Variants in MYO18B observed in about 807,000 individuals in gnomAD.
MYO18B encodes unconventional myosin-XVIIIb.
A neutral mutation model predicts 273.0 loss-of-function variants in MYO18B; 204 were observed. That is an observed-to-expected ratio of 0.75 (90% CI 0.67 to 0.84). MYO18B has a LOEUF of 0.84. Among genes scored for constraint, MYO18B ranks in the 40% least tolerant of loss-of-function variants. MYO18B has a pLI of 0.00. For synonymous variants in MYO18B, 1,330 were observed against 1,305.7 expected (o/e 1.02, Z -0.40); for missense variants, 3,212 against 3,287.6 (o/e 0.98, Z 0.56).
intron 18 of MYO18B, among the ~76,000 whole-genome samples, chr22:25,845,129 C>T (rs906101194): frequency 3.9e-5 from 6 of 152,144 alleles, no homozygotes; most frequent in African/African-American, 9.7e-5. Context: ...GCTTTGGTGA[C>T]GTAAAGTAGC....
the MYO18B span, among the ~76,000 whole-genome samples, chr22:26,045,227 AC>A: frequency 5.9e-5 from 9 of 152,102 alleles, no homozygotes; most frequent in East Asian, 1.4e-3. Flanking sequence ...CATGGGAGTC[AC>A]CTGGAGCATG....
At chr22:25,903,069 T>G in intron 30 of MYO18B, 1 of 251,572 alleles carries the variant, frequency 4.0e-6, no homozygotes, top group Non-Finnish European at 7.7e-6. Context: ...CAGGCTCCAA[T>G]GCAGAGAGAT....
chr22:25,894,244 G>A (rs1394670985), intron 27 of MYO18B, among the ~76,000 whole-genome samples: 1 of 151,810 alleles, frequency 6.6e-6, no homozygotes, highest in Non-Finnish European at 1.5e-5. Context: ...TCTGGAAGGT[G>A]GGTGGATATG....
At chr22:25,787,245 G>T (rs2087432912) in intron 11 of MYO18B, among the ~76,000 whole-genome samples, 1 of 147,992 alleles carries the variant, frequency 6.8e-6, no homozygotes, top group Non-Finnish European at 1.5e-5. Context: ...AAAAAAAATT[G>T]CTAAGCCTGT....
Position 25,843,779 on chromosome 22 carries a change from A to G in MYO18B, c.3253A>G (p.Ile1085Val), listed in dbSNP as rs372924998. 1.7e-5 allele frequency: 28 copies of G among 1,613,624 alleles called. No individual in the cohort carries two copies. Among genetic ancestry groups the G allele is most frequent in the Non-Finnish European group, 2.3e-5 (27 of 1,179,796 alleles). The change falls in exon 18 of 44, where the codon ATT (isoleucine) becomes GTT (valine). Residue 1085 changes from isoleucine (I) to valine (V), a missense_variant. Physicochemically the swap from Ile to Val is conservative, Grantham distance 29. Transcript: ENST00000335473. ...CTGTGAGCAGCCCCTCCAGTGTGAG[A>G]TTTTCCACCAGTTGGGATGGGACCC... ...RTCEQPLQCE[I>V]FHQLGWDPVR...
chr22:25,828,445 A>AAT (rs2089575331), intron 14 of MYO18B, among the ~76,000 whole-genome samples: 1 of 152,194 alleles, frequency 6.6e-6, no homozygotes, highest in African/African-American at 2.4e-5. Flanking sequence ...TAGGCCTCTG[A>AAT]AGAAAGAAAA....
chr22:25,894,743 G>T (rs1019239085), intron 27 of MYO18B: 2 of 155,952 alleles, frequency 1.3e-5, no homozygotes, highest in African/African-American at 4.8e-5. Flanking sequence ...CCATGAGCTT[G>T]TATCAACATG....
intron 21 of MYO18B, among the ~76,000 whole-genome samples, chr22:25,864,541 C>T (rs1021430469): frequency 6.6e-6 from 1 of 152,166 alleles, no homozygotes; most frequent in African/African-American, 2.4e-5. Context: ...GGTCACACAG[C>T]TAGTGAGTGG....
At chr22:26,003,397 C>A in intron 41 of MYO18B, 88 bp downstream of exon 41, 2 of 1,156,244 alleles carry the variant, frequency 1.7e-6, no homozygotes, top group Non-Finnish European at 1.3e-6. Flanking sequence ...CATCCATGTC[C>A]ACTTGGAGAA....
chr22:25,766,898 G>A (rs993113339), intron 3 of MYO18B, among the ~76,000 whole-genome samples: 9 of 152,248 alleles, frequency 5.9e-5, no homozygotes, highest in African/African-American at 2.2e-4. Flanking sequence ...CAGTTCACGG[G>A]CTGTGGCAAT....
At position 26,004,726 on chromosome 22, in the gene MYO18B, T is replaced by C. The variant is rs771416557; in HGVS notation, c.6341T>C (p.Val2114Ala). 6.2e-7 allele frequency: 1 copy of C among 1,613,780 alleles called. No individual in the cohort carries two copies. The change falls in exon 42 of 44, where the codon GTC becomes GCC. Residue 2114 changes from valine (V) to alanine (A), a missense_variant. Physicochemically the swap from Val to Ala is moderately conservative, Grantham distance 64 (BLOSUM62 0). Transcript: ENST00000335473. ...GSSGRKEMDN[V>A]SILSSQPEGS... is the part of the protein sequence containing the mutation. ...CTGCAATCTTATTCTAGGGATAACG[T>C]CTCCATCCTCAGCTCCCAGCCAGAG... is the stretch of plus-strand genomic sequence containing the variant.
chr22:25,860,419 C>A (rs555021570), intron 21 of MYO18B, among the ~76,000 whole-genome samples: 1 of 152,138 alleles, frequency 6.6e-6, no homozygotes, highest in East Asian at 1.9e-4. Flanking sequence ...TTCCTGGTTT[C>A]TTAAAAAGGA....
chr22:25,764,808 C>A (rs955629625), intron 3 of MYO18B, among the ~76,000 whole-genome samples: 1 of 152,214 alleles, frequency 6.6e-6, no homozygotes, highest in African/African-American at 2.4e-5. Flanking sequence ...CTTTGCTGCT[C>A]ATGGGCTCAT....
chr22:25,939,474 A>G (rs2092618994), intron 34 of MYO18B, among the ~76,000 whole-genome samples: 1 of 152,214 alleles, frequency 6.6e-6, no homozygotes, highest in Non-Finnish European at 1.5e-5. Context: ...GAAAGAGTGA[A>G]CTTTATTTTC....
At chr22:25,795,157 A>G (rs935235593) in intron 11 of MYO18B, among the ~76,000 whole-genome samples, 8 of 152,136 alleles carry the variant, frequency 5.3e-5, no homozygotes, top group Non-Finnish European at 1.0e-4. Flanking sequence ...TTGTGGCTCC[A>G]TTCTCCTGCT....
chr22:26,042,120 AT>A, the MYO18B span, among the ~76,000 whole-genome samples: 2 of 152,196 alleles, frequency 1.3e-5, no homozygotes, highest in African/African-American at 4.8e-5. Flanking sequence ...CCCATCAAGC[AT>A]GTGTCAGAGC....
chr22:25,959,945 GC>G (rs1419630457), intron 39 of MYO18B, among the ~76,000 whole-genome samples: 5 of 152,222 alleles, frequency 3.3e-5, no homozygotes, highest in African/African-American at 1.2e-4. Flanking sequence ...GCCCTGGAGA[GC>G]AGTGGGAAGG....
intron 31 of MYO18B, among the ~76,000 whole-genome samples, chr22:25,906,756 G>A (rs1162411748): frequency 6.6e-6 from 1 of 152,168 alleles, no homozygotes; most frequent in Non-Finnish European, 1.5e-5. Flanking sequence ...GGAAGGGGAA[G>A]CAGGCAAGTC....
At chr22:25,903,491 C>A in intron 30 of MYO18B, 140 bp from the exon 31 acceptor site, 2 of 812,226 alleles carry the variant, frequency 2.5e-6, no homozygotes, top group Non-Finnish European at 3.9e-6. Flanking sequence ...CTGTGAGGGA[C>A]GGTGGGGTCC....
Sources: allele counts gnomAD v4.1 joint callset (sites outside exome capture counted in the v4.1 genomes callset), GRCh38; gene constraint gnomAD v4.1.1; transcripts MANE v1.5; gene names NCBI Gene and HGNC (gene_info 2026-07-23, HGNC 2026-07-21).